USP46: variants seen among roughly 807,000 people sequenced by gnomAD.
The protein encoded by USP46 is ubiquitin carboxyl-terminal hydrolase 46.
In USP46, 12 loss-of-function variants were observed where a neutral mutation model predicts 44.4. The ratio of observed to expected loss-of-function variants is 0.27; its 90% confidence interval spans 0.17 to 0.44. The LOEUF (loss-of-function observed/expected upper bound fraction) is 0.44, where lower values mean the gene tolerates loss of function less well. USP46 is among the 20% of genes least tolerant of loss of function. The probability of loss-of-function intolerance (pLI) is 1.00; values close to 1 mark genes in which losing one functional copy is unlikely to be tolerated. For missense variants in USP46, 248 were observed against 444.8 expected (o/e 0.56, Z 3.98); for synonymous variants, 155 against 161.5 (o/e 0.96, Z 0.31).
intron 5 of USP46, among the ~76,000 whole-genome samples, chr4:52,606,841 G>A (rs1716704293): frequency 6.6e-6 from 1 of 152,232 alleles, no homozygotes; most frequent in Admixed American, 6.5e-5. Context: ...CCATTAGAAT[G>A]CAAATGTACT....
At chr4:52,655,231 T>A (rs1444584760) in intron 1 of USP46, 1 of 152,232 alleles carries the variant, frequency 6.6e-6, no homozygotes, top group Non-Finnish European at 1.5e-5. Flanking sequence ...AATTGTTTCA[T>A]CTTTACCAAT....
chr4:52,610,426 A>G (rs1281886982), intron 5 of USP46, 115 bp downstream of exon 5: 3 of 857,482 alleles, frequency 3.5e-6, no homozygotes, highest in Non-Finnish European at 5.5e-6. Flanking sequence ...AGAAAATAAT[A>G]GGATCATATT....
intron 3 of USP46, among the ~76,000 whole-genome samples, chr4:52,626,826 C>T (rs1385398228): frequency 6.6e-6 from 1 of 152,088 alleles, no homozygotes; most frequent in Non-Finnish European, 1.5e-5. Flanking sequence ...ATTTGTTCTA[C>T]AAAGGAACAG....
chr4:52,626,132 T>A lies in USP46; in HGVS notation c.447A>T (p.Leu149Phe). 6.2e-7 allele frequency: 1 copy of A among 1,613,956 alleles called. No individual in the cohort carries two copies. The change falls in exon 4 of 9, where the codon TTA (leucine) becomes TTT (phenylalanine). Residue 149 changes from leucine (L) to phenylalanine (F), a missense_variant. By Grantham distance (22) the Leu-to-Phe change is conservative. This residue lies in a region of USP46 where 37 missense variants were observed against 30.6 expected (regional missense o/e 1.21). Coordinates refer to ENST00000441222, the MANE Select transcript of USP46 (RefSeq NM_022832.4). ...EKKQEKQNGK[L>F]KNGNMNEPAE... ...CAGGTTCGTTCATGTTGCCATTTTTTAATTTTCCATTTTGTTTTTCCTGTT... is the reference window on the plus strand; with the variant it reads ...CAGGTTCGTTCATGTTGCCATTTTTAAATTTTCCATTTTGTTTTTCCTGTT...
chr4:52,604,431 C>T lies in USP46; in HGVS notation c.722+70G>A. 3.0e-6 allele frequency: 4 copies of T among 1,341,714 alleles called. No homozygotes were observed. The South Asian group carries it at 3.8e-5, about 13-fold the overall frequency. The allele number at this position is 1,341,714 out of a possible 1,614,324, so 83.1% of individuals were successfully genotyped here. A position where few individuals can be genotyped will look rare whatever the true frequency, so the allele number is the denominator to read the frequency against. ...GTAGCTGAGATTGATTCAAAGCCAA[C>T]CCTGCTGGGCCCCACAGTCGGGATC... On this transcript the variant is annotated intron_variant, in intron 6 of 8. Coordinates refer to ENST00000441222, the MANE Select transcript of USP46 (RefSeq NM_022832.4).
At chr4:52,603,287 T>C (rs1355483692) in intron 6 of USP46, among the ~76,000 whole-genome samples, 2 of 152,164 alleles carry the variant, frequency 1.3e-5, no homozygotes, top group Non-Finnish European at 2.9e-5. Flanking sequence ...CAGACATGAG[T>C]GACCTTCTTT....
chr4:52,626,612 C>T (rs914546116), intron 3 of USP46, among the ~76,000 whole-genome samples: 2 of 152,074 alleles, frequency 1.3e-5, no homozygotes, highest in African/African-American at 2.4e-5. Flanking sequence ...CGTGAGCCAC[C>T]GCGCCTGGCC....
chr4:52,601,776 G>A, intron 7 of USP46, 81 bp downstream of exon 7: 2 of 1,438,684 alleles, frequency 1.4e-6, no homozygotes, highest in Non-Finnish European at 1.9e-6. Context: ...CACGGCCCAG[G>A]AAAGGTGCAG....
At chr4:52,613,417 G>T (rs1177535932) in intron 4 of USP46, among the ~76,000 whole-genome samples, 1 of 152,066 alleles carries the variant, frequency 6.6e-6, no homozygotes, top group Non-Finnish European at 1.5e-5. Flanking sequence ...AACTCAATAT[G>T]CATTAAAGAA....
intron 1 of USP46, among the ~76,000 whole-genome samples, chr4:52,645,495 C>T (rs562079446): frequency 7.4e-4 from 112 of 152,212 alleles, no homozygotes; most frequent in Non-Finnish European, 1.3e-3. Context: ...TGAGACCATG[C>T]CTGTTTTCTA....
chr4:52,644,735 A>AT, intron 1 of USP46, among the ~76,000 whole-genome samples: 1 of 135,294 alleles, frequency 7.4e-6, no homozygotes, highest in South Asian at 2.5e-4. Flanking sequence ...ATGATATTGA[A>AT]TTAAAAAAAA....
At chr4:52,604,349 G>A (rs537487930) in intron 6 of USP46, among the ~76,000 whole-genome samples, 152 bp downstream of exon 6, 1 of 152,202 alleles carries the variant, frequency 6.6e-6, no homozygotes, top group African/African-American at 2.4e-5. Flanking sequence ...TCTTATCCCA[G>A]TTTCACTGGT....
chr4:52,597,918 A>C (rs906394286), intron 8 of USP46, among the ~76,000 whole-genome samples, 177 bp from the exon 9 acceptor site: 2 of 152,246 alleles, frequency 1.3e-5, no homozygotes, highest in Non-Finnish European at 2.9e-5. Flanking sequence ...GGACATCATC[A>C]CATAAATTGT....
At chr4:52,658,129 C>T (rs971975946) in intron 1 of USP46, 3 of 443,898 alleles carry the variant, frequency 6.8e-6, no homozygotes, top group Non-Finnish European at 9.1e-6. Context: ...AGAGGGGAGG[C>T]GGGGTGCAGT....
Position 52,655,099 on chromosome 4 carries a change from T to C in USP46, c.36+4016A>G, listed in dbSNP as rs575254246. ...ATAAAAGCCAGAAGCAGAATGTGTATACAACTTTGGTCAAACGAGAATGTA... is the reference window on the plus strand; with the variant it reads ...ATAAAAGCCAGAAGCAGAATGTGTACACAACTTTGGTCAAACGAGAATGTA... On this transcript the variant is annotated intron_variant, in intron 1 of 8. Transcript: ENST00000441222. Among the ~76,000 whole-genome samples the C allele has an allele frequency of 6.6e-5, 10 of 152,368 alleles. No individual in the cohort carries two copies. The South Asian group carries it at 2.1e-3, about 32-fold the overall frequency.
At chr4:52,613,644 C>A (rs901867924) in intron 4 of USP46, among the ~76,000 whole-genome samples, 1 of 151,616 alleles carries the variant, frequency 6.6e-6, no homozygotes, top group Non-Finnish European at 1.5e-5. Context: ...ATCACTTGAA[C>A]CCAGGAGGCG....
At chr4:52,656,994 G>A (rs1351151039) in intron 1 of USP46, among the ~76,000 whole-genome samples, 1 of 126,768 alleles carries the variant, frequency 7.9e-6, no homozygotes, top group Non-Finnish European at 1.6e-5. Flanking sequence ...GAGCCACCAT[G>A]TTCATGCCAC....
chr4:52,614,035 C>T (rs918912540), intron 4 of USP46, among the ~76,000 whole-genome samples: 1 of 151,940 alleles, frequency 6.6e-6, no homozygotes, highest in South Asian at 2.1e-4. Flanking sequence ...AATTCTGGAA[C>T]TGAAAAACAC....
At chr4:52,619,415 C>A (rs994003548) in intron 4 of USP46, among the ~76,000 whole-genome samples, 2 of 152,102 alleles carry the variant, frequency 1.3e-5, no homozygotes, top group South Asian at 4.2e-4. Context: ...GGCAAGGTGC[C>A]CCCAGGGGCA....
Sources: allele counts gnomAD v4.1 joint callset (sites outside exome capture counted in the v4.1 genomes callset), GRCh38; gene constraint gnomAD v4.1.1; regional missense constraint gnomAD v4.1.1; transcripts MANE v1.5; gene names NCBI Gene and HGNC (gene_info 2026-07-23, HGNC 2026-07-21).